The following NCOA7 variants were observed in gnomAD, a reference collection of about 807,000 sequenced individuals.
NCOA7 encodes the protein 140 kDa estrogen receptor-associated protein.
Under a neutral mutation model 104.3 loss-of-function variants are expected in NCOA7, and 45 were observed. That is an observed-to-expected ratio of 0.43 (90% CI 0.34 to 0.55). NCOA7 has a LOEUF of 0.55. NCOA7 is among the 20% of genes least tolerant of loss of function. The probability of loss-of-function intolerance (pLI) is 0.02; values close to 1 mark genes in which losing one functional copy is unlikely to be tolerated. For synonymous variants in NCOA7, 398 were observed against 402.3 expected (o/e 0.99, Z 0.13); for missense variants, 1,041 against 1,119.7 (o/e 0.93, Z 1.00).
intron 3 of NCOA7, among the ~76,000 whole-genome samples, chr6:125,864,596 A>G (rs544890230): frequency 7.4e-6 from 1 of 135,906 alleles, no homozygotes; most frequent in South Asian, 2.2e-4. Flanking sequence ...ATGAGGCCAT[A>G]TGGGTGGCGA....
chr6:125,912,285 A>C (rs1786636620), intron 10 of NCOA7, among the ~76,000 whole-genome samples: 1 of 152,198 alleles, frequency 6.6e-6, no homozygotes, highest in South Asian at 2.1e-4. Context: ...ATTCAGAGGT[A>C]AGGAAAATTT....
intron 1 of NCOA7, among the ~76,000 whole-genome samples, chr6:125,803,888 T>G (rs556024839): frequency 6.6e-6 from 1 of 152,338 alleles, no homozygotes; most frequent in South Asian, 2.1e-4. Context: ...ATCCACAAAG[T>G]AGCCCCCAAC....
In NCOA7 at chr6:125,878,246, C is replaced by T. The variant is rs1433390785; in HGVS notation, c.352-17C>T. 6.4e-7 allele frequency: 1 copy of T among 1,573,932 alleles called. No homozygotes were observed. Among genetic ancestry groups the T allele is most frequent in the Non-Finnish European group, 8.7e-7 (1 of 1,155,750 alleles). On this transcript the variant is annotated splice_polypyrimidine_tract_variant and intron_variant, in intron 4 of 15. Transcript: ENST00000392477. ...TTTTGCTTTATTTATTGACTCTTAC[C>T]TGTTTGATTATTCTAGGCTGGAAAC...
chr6:125,790,636 C>A (rs1456570293), upstream of NCOA7: 1 of 151,958 alleles, frequency 6.6e-6, no homozygotes, highest in South Asian at 2.1e-4. Context: ...AGCTCCCAGG[C>A]CCCCGCAACC....
intron 8 of NCOA7, among the ~76,000 whole-genome samples, chr6:125,886,282 A>G (rs867194170): frequency 2.0e-5 from 3 of 152,260 alleles, no homozygotes; most frequent in Middle Eastern, 3.4e-3. Context: ...CCCAACCTCA[A>G]GCCACTAAGA....
At chr6:125,840,861 T>G in intron 2 of NCOA7, among the ~76,000 whole-genome samples, 1 of 136,208 alleles carries the variant, frequency 7.3e-6, no homozygotes, top group Admixed American at 7.9e-5. Flanking sequence ...TTTTTTTTGT[T>G]TGGTTGGTTT....
chr6:125,921,836 G>A (rs1253310394), intron 12 of NCOA7, among the ~76,000 whole-genome samples: 1 of 152,038 alleles, frequency 6.6e-6, no homozygotes, highest in Non-Finnish European at 1.5e-5. Flanking sequence ...TTTTCTTTGT[G>A]TATTTTAGTT....
intron 1 of NCOA7, among the ~76,000 whole-genome samples, chr6:125,795,979 C>G (rs944386256): frequency 6.6e-6 from 1 of 152,100 alleles, no homozygotes; most frequent in Non-Finnish European, 1.5e-5. Flanking sequence ...CCAGTTTCTG[C>G]ACGTGGATAG....
chr6:125,907,524 C>T (rs78789041), intron 10 of NCOA7, among the ~76,000 whole-genome samples: 1,604 of 152,234 alleles, frequency 0.011, 31 homozygotes, highest in African/African-American at 0.036. Flanking sequence ...AAGGGCCACT[C>T]GGGACATCTC....
At chr6:125,916,264 T>G (rs1013300286) in intron 11 of NCOA7, among the ~76,000 whole-genome samples, 2 of 152,178 alleles carry the variant, frequency 1.3e-5, no homozygotes, top group Non-Finnish European at 2.9e-5. Flanking sequence ...TCTGCCATGA[T>G]TGTAAGTTTC....
At chr6:125,857,895 A>G (rs1035889367) in intron 3 of NCOA7, among the ~76,000 whole-genome samples, 8 of 151,316 alleles carry the variant, frequency 5.3e-5, no homozygotes, top group African/African-American at 1.9e-4. Context: ...CCCAAAGCGT[A>G]TGCTTTTTTT....
In NCOA7 at chr6:125,929,273, T is replaced by C. The variant is rs1431913196; in HGVS notation, c.*502T>C. 6.6e-6 allele frequency: 1 copy of C among 152,244 alleles called. No homozygotes were observed. Among genetic ancestry groups the C allele is most frequent in the African/African-American group, 2.4e-5 (1 of 41,364 alleles). The allele number at this position is 152,244 out of a possible 1,614,324, so 9.4% of individuals were successfully genotyped here. ...TTTTTAAAAAAAAACTTTTATTTATTATTTGTAGTATATTGTCTGAAATGT... is the reference window on the plus strand; with the variant it reads ...TTTTTAAAAAAAAACTTTTATTTATCATTTGTAGTATATTGTCTGAAATGT... On this transcript the variant is annotated 3_prime_UTR_variant, in exon 16 of 16. Transcript: ENST00000392477.
In NCOA7 at chr6:125,815,404, G is replaced by A. The variant is rs768808874; in HGVS notation, c.50G>A (p.Arg17Gln). The stretch of plus-strand genomic sequence containing the variant: ...GAACGGAAACAAAGTTATTTTGCTC[G>A]GTAAGCATTCATTTTACAAAATTGT... ...KKERKQSYFA[R>Q]LKKKKQAKQN... The change falls in exon 2 of 16, where the codon CGA (arginine) becomes CAA (glutamine). Residue 17 changes from arginine to glutamine, a missense_variant and splice_region_variant. By Grantham distance (43) the Arg-to-Gln change is conservative. Coordinates refer to ENST00000392477, the MANE Select transcript of NCOA7 (RefSeq NM_181782.5). 52 of 1,606,978 alleles carry A rather than the reference G, an allele frequency of 3.2e-5. 1 individual carries two copies. Among genetic ancestry groups the A allele is most frequent in the South Asian group, 4.5e-5 (4 of 89,294 alleles).
intron 10 of NCOA7, among the ~76,000 whole-genome samples, chr6:125,908,181 G>T (rs1786203271): frequency 1.3e-5 from 2 of 152,154 alleles, no homozygotes; most frequent in South Asian, 4.1e-4. Context: ...CCTGTCCTAG[G>T]CTGAGATATT....
intron 3 of NCOA7, among the ~76,000 whole-genome samples, chr6:125,862,894 C>G (rs775709212): frequency 7.2e-6 from 1 of 138,236 alleles, no homozygotes; most frequent in Non-Finnish European, 1.5e-5. Context: ...ACTGGGGAGG[C>G]TGAAGCAAGA....
chr6:125,802,970 G>C (rs568053348), intron 1 of NCOA7, among the ~76,000 whole-genome samples: 1 of 152,246 alleles, frequency 6.6e-6, no homozygotes, highest in South Asian at 2.1e-4. Flanking sequence ...ACCCACGTTT[G>C]TGTATTTACC....
Position 125,906,130 on chromosome 6 carries a change from G to A in NCOA7, c.2097-9203G>A, listed in dbSNP as rs115816128. Among the ~76,000 whole-genome samples the A allele has an allele frequency of 7.9e-3, 1,209 of 152,224 alleles. 18 individuals are homozygous for A. The highest frequency in any genetic ancestry group is 0.027 in the African/African-American group (1,110 of 41,534). ...AAGGAGATAGGGGAATGGAAAGGTC[G>A]CAAGGTGGGGTGGTGGAAATAATAG... On this transcript the variant is annotated intron_variant, in intron 10 of 15. Coordinates refer to ENST00000392477, the MANE Select transcript of NCOA7 (RefSeq NM_181782.5).
At chr6:125,920,866 C>T in intron 11 of NCOA7, 77 bp from the exon 12 acceptor site, 2 of 1,558,540 alleles carry the variant, frequency 1.3e-6, no homozygotes, top group South Asian at 2.3e-5. Flanking sequence ...CACGGGTGTC[C>T]CTAGAGTGAT....
At chr6:125,850,374 T>C (rs1202468751) in intron 2 of NCOA7, among the ~76,000 whole-genome samples, 1 of 152,254 alleles carries the variant, frequency 6.6e-6, no homozygotes, top group Non-Finnish European at 1.5e-5. Flanking sequence ...ACTCTGCTGT[T>C]AAACAACTTT....
Sources: gnomAD v4.1 joint callset for allele counts (sites outside exome capture counted in the v4.1 genomes callset) on GRCh38, gnomAD v4.1.1 for gene constraint, MANE v1.5 for transcripts, NCBI Gene and HGNC (gene_info 2026-07-23, HGNC 2026-07-21) for gene names.